The following PCDHGB4 variants were observed in gnomAD, a reference collection of about 807,000 sequenced individuals.
PCDHGB4 encodes protocadherin gamma subfamily B, 4.
A neutral mutation model predicts 60.5 loss-of-function variants in PCDHGB4; 38 were observed. The observed-to-expected ratio is 0.63, with a 90% CI of 0.48 to 0.82. The LOEUF is 0.82. Among genes scored for constraint, PCDHGB4 ranks in the 40% least tolerant of loss-of-function variants. The pLI is 0.00. For missense variants in PCDHGB4, 1,109 were observed against 1,209.6 expected (o/e 0.92, Z 1.23); for synonymous variants, 456 against 509.7 (o/e 0.89, Z 1.42).
chr5:141,421,811 T>A, intron 1 of PCDHGB4: 1 of 1,613,766 alleles, frequency 6.2e-7, no homozygotes, highest in Non-Finnish European at 8.5e-7. Flanking sequence ...AATCCAGAGC[T>A]AGTACTGGAG....
chr5:141,478,315 A>G, intron 1 of PCDHGB4: 1 of 1,613,998 alleles, frequency 6.2e-7, no homozygotes, highest in Non-Finnish European at 8.5e-7. Flanking sequence ...CGGTGAGCTC[A>G]CTGTACCGAA....
intron 1 of PCDHGB4, chr5:141,441,855 G>T (rs1210416963): frequency 2.8e-6 from 1 of 351,872 alleles, no homozygotes; most frequent in Admixed American, 4.0e-5. Context: ...ATATGGTGCT[G>T]CACGCCGCGG....
chr5:141,399,944 A>C, intron 1 of PCDHGB4: 1 of 1,612,254 alleles, frequency 6.2e-7, no homozygotes, highest in Non-Finnish European at 8.5e-7. Context: ...CACGTGCTGC[A>C]GGCTAGCGAG....
intron 3 of PCDHGB4, among the ~76,000 whole-genome samples, chr5:141,509,880 T>C (rs1475661741): frequency 6.6e-6 from 1 of 152,184 alleles, no homozygotes; most frequent in African/African-American, 2.4e-5. Flanking sequence ...CTGGTGGTGA[T>C]GGTGACTGAC....
chr5:141,481,182 G>T (rs2099533183), intron 1 of PCDHGB4, among the ~76,000 whole-genome samples: 1 of 152,180 alleles, frequency 6.6e-6, no homozygotes, highest in Non-Finnish European at 1.5e-5. Flanking sequence ...AGCTTTATTG[G>T]GCCAGGCCCA....
At position 141,403,267 on chromosome 5, in the gene PCDHGB4, C is replaced by T. The variant is rs767670942; in HGVS notation, c.2397+12986C>T. On this transcript the variant is annotated intron_variant, in intron 1 of 3. Transcript: ENST00000519479. ...CTCAGAGCCCGCGGTGTCTGGTGAA[C>T]TTTAAAGTCCTGGTTGAAGACAGAG... is the stretch of plus-strand genomic sequence containing the variant. 4.4e-5 allele frequency: 71 copies of T among 1,613,770 alleles called. No homozygotes were observed. Among genetic ancestry groups the T allele is most frequent in the Non-Finnish European group, 5.8e-5 (69 of 1,179,916 alleles).
chr5:141,472,557 A>G (rs2099288029), intron 1 of PCDHGB4, among the ~76,000 whole-genome samples: 3 of 152,044 alleles, frequency 2.0e-5, no homozygotes, highest in Admixed American at 1.3e-4. Flanking sequence ...AAAAAATTAT[A>G]TTATAAATGC....
chr5:141,481,781 G>A (rs957054361), intron 1 of PCDHGB4, among the ~76,000 whole-genome samples: 3 of 151,998 alleles, frequency 2.0e-5, no homozygotes, highest in Admixed American at 6.6e-5. Context: ...GTGAAACCCC[G>A]TCTCTACTAA....
intron 1 of PCDHGB4, chr5:141,478,285 T>G (rs1468354835): frequency 6.2e-7 from 1 of 1,614,040 alleles, no homozygotes; most frequent in Non-Finnish European, 8.5e-7. Context: ...GGAAGCAGTC[T>G]AGAGACCTAT....
chr5:141,399,146 G>T (rs758823968), intron 1 of PCDHGB4: 1 of 1,613,792 alleles, frequency 6.2e-7, no homozygotes, highest in East Asian at 2.2e-5. Context: ...AATGACAATA[G>T]CCCAGAAGTT....
chr5:141,397,199 T>G (rs1317536621), intron 1 of PCDHGB4, among the ~76,000 whole-genome samples: 1 of 152,156 alleles, frequency 6.6e-6, no homozygotes, highest in African/African-American at 2.4e-5. Context: ...GTAAAAGATA[T>G]GACATAAGAG....
chr5:141,477,777 A>G lies in PCDHGB4; in HGVS notation c.2398-17030A>G, dbSNP rs775845004. ...GTCCTAGCCACCAACATCAGCGTGA[A>G]CATATTTGTCACTGATCGCAATGAC... is the stretch of plus-strand genomic sequence containing the variant. On this transcript the variant is annotated intron_variant, in intron 1 of 3. Transcript: ENST00000519479. The surrounding 1 kb of genome is among the most constrained non-coding windows in gnomAD (Gnocchi z 4.9). The G allele has an allele frequency of 1.9e-4, 299 of 1,613,944 alleles. No homozygotes were observed. Among genetic ancestry groups the G allele is most frequent in the Non-Finnish European group, 2.5e-4 (295 of 1,180,048 alleles).
chr5:141,428,729 ATAT>A (rs2097158318), intron 1 of PCDHGB4: 2 of 159,768 alleles, frequency 1.3e-5, no homozygotes. Flanking sequence ...AATCTTAAAC[ATAT>A]TATATCTACT....
In PCDHGB4 at chr5:141,404,687, C is replaced by T. The variant is rs190249934; in HGVS notation, c.2397+14406C>T. 2,728 of 1,614,088 alleles carry T rather than the reference C, an allele frequency of 1.7e-3. 3 individuals carry two copies. Among genetic ancestry groups the T allele is most frequent in the Non-Finnish European group, 2.2e-3 (2,615 of 1,179,946 alleles). On this transcript the variant is annotated intron_variant, in intron 1 of 3. Coordinates refer to ENST00000519479, the MANE Select transcript of PCDHGB4 (RefSeq NM_003736.4). ...TGGTTCTACTGGTGTGGAGCTGGCA[C>T]CCCGCTCTGCAGAGCCTGGCTACCT...
In PCDHGB4 at chr5:141,432,896, G is replaced by A. The variant is rs2097547014; in HGVS notation, c.2397+42615G>A. On this transcript the variant is annotated intron_variant, in intron 1 of 3. Transcript: ENST00000519479. This position sits in a 1 kb window ranked among gnomAD's most constrained non-coding sequence, Gnocchi z 6.0. ...CCTGGCCTTCGTCATCTTGCTGCTG[G>A]CGCTCAGGCTGCGGCGCTGGCACAA... is the stretch of plus-strand genomic sequence containing the variant. 6.2e-7 allele frequency: 1 copy of A among 1,614,056 alleles called. No homozygotes were observed. Among genetic ancestry groups the A allele is most frequent in the African/African-American group, 1.3e-5 (1 of 74,946 alleles).
At chr5:141,395,138 C>A (rs147992300) in intron 1 of PCDHGB4, 1 of 1,614,204 alleles carries the variant, frequency 6.2e-7, no homozygotes, top group African/African-American at 1.3e-5. Flanking sequence ...AGCCCAACTA[C>A]GCAGACATGC....
Position 141,489,471 on chromosome 5 carries a change from G to A in PCDHGB4, c.2398-5336G>A. ...AGGAGAATGGGCGCTATTTTTCCCT[G>A]AGCTTGATGAGTGGTGCCCTGGCAG... On this transcript the variant is annotated intron_variant, in intron 1 of 3. Transcript: ENST00000519479. This position sits in a 1 kb window ranked among gnomAD's most constrained non-coding sequence, Gnocchi z 4.5. 1 of 1,614,074 alleles carries A rather than the reference G, an allele frequency of 6.2e-7. No homozygotes were observed. The highest frequency in any genetic ancestry group is 8.5e-7 in the Non-Finnish European group (1 of 1,180,026).
intron 2 of PCDHGB4, among the ~76,000 whole-genome samples, chr5:141,495,262 A>G (rs550950979): frequency 1.3e-5 from 2 of 152,246 alleles, no homozygotes; most frequent in South Asian, 2.1e-4. Flanking sequence ...GCAGAAAAGC[A>G]TTTGACCGGA....
At chr5:141,471,786 A>G (rs1043196530) in intron 1 of PCDHGB4, among the ~76,000 whole-genome samples, 6 of 152,244 alleles carry the variant, frequency 3.9e-5, no homozygotes, top group African/African-American at 1.4e-4. Flanking sequence ...ACATTATGCT[A>G]TGTCATATAA....
Sources: allele counts gnomAD v4.1 joint callset (sites outside exome capture counted in the v4.1 genomes callset), GRCh38; gene constraint gnomAD v4.1.1; non-coding constraint Gnocchi (gnomAD v3.1); transcripts MANE v1.5; gene names NCBI Gene and HGNC (gene_info 2026-07-23, HGNC 2026-07-21).